Variants in CARD14 observed in about 807,000 individuals in gnomAD.
The protein encoded by CARD14 is caspase recruitment domain family member 14.
In CARD14, 107 loss-of-function variants were observed where a neutral mutation model predicts 111.5. That is an observed-to-expected ratio of 0.96 (90% CI 0.82 to 1.13). The LOEUF (loss-of-function observed/expected upper bound fraction) is 1.13, where lower values mean the gene tolerates loss of function less well. Ranked by LOEUF, CARD14 falls within the 50% of genes most tolerant of loss-of-function variation. The pLI is 0.00. For synonymous variants in CARD14, 617 were observed against 579.6 expected (o/e 1.06, Z -0.93); for missense variants, 1,322 against 1,362.3 (o/e 0.97, Z 0.47).
intron 7 of CARD14, chr17:80,187,905 C>T: frequency 1.0e-6 from 1 of 985,758 alleles, no homozygotes; most frequent in South Asian, 4.7e-5. Context: ...TCTGAACAGC[C>T]CCGGTCCCGC....
chr17:80,197,543 A>AAAG (rs1555614392), intron 14 of CARD14: 14,168 of 143,410 alleles, frequency 0.099, 754 homozygotes, highest in South Asian at 0.16. Context: ...AAAAAAAAAA[A>AAAG]AAAGAAAGAA....
chr17:80,186,696 G>A (rs1164046320), intron 7 of CARD14, among the ~76,000 whole-genome samples: 2 of 152,148 alleles, frequency 1.3e-5, no homozygotes, highest in Admixed American at 6.5e-5. Context: ...TTATAGGCGC[G>A]CACCACCACA....
chr17:80,192,883 G>T (rs541135892), intron 12 of CARD14, among the ~76,000 whole-genome samples: 1 of 152,306 alleles, frequency 6.6e-6, no homozygotes, highest in African/African-American at 2.4e-5. Context: ...CACCCAAGTA[G>T]CTGCATTACA....
intron 20 of CARD14, 98 bp downstream of exon 20, chr17:80,204,439 A>G: frequency 8.4e-7 from 1 of 1,188,246 alleles, no homozygotes; most frequent in South Asian, 1.6e-5. Flanking sequence ...GGGGGATGCC[A>G]CTCATTTAGG....
At chr17:80,171,215 C>A (rs2039896261) in intron 1 of CARD14, among the ~76,000 whole-genome samples, 1 of 98,954 alleles carries the variant, frequency 1.0e-5, no homozygotes, top group Non-Finnish European at 2.2e-5. Flanking sequence ...CCCTTCCTTC[C>A]TTCCTTCCTT....
Position 80,184,203 on chromosome 17 carries a change from C to G in CARD14, c.640C>G (p.Leu214Val), listed in dbSNP as rs1483595630. Residue 214 changes from leucine (L) to valine (V), a missense_variant, in exon 7 of 24, where the codon CTG (leucine) becomes GTG (valine). By Grantham distance (32) the Leu-to-Val change is conservative (BLOSUM62 1). Coordinates refer to ENST00000648509, the MANE Select transcript of CARD14 (RefSeq NM_001366385.1). ...TAGCAATGCGCTGCAGGAGAAGGAGCTGGCCGCCTCACGCTGCCGCAGCCT... is the reference window on the plus strand; with the variant it reads ...TAGCAATGCGCTGCAGGAGAAGGAGGTGGCCGCCTCACGCTGCCGCAGCCT... ...HYSNALQEKE[L>V]AASRCRSLQE... 4 of 1,548,424 alleles carry G rather than the reference C, an allele frequency of 2.6e-6. No individual in the cohort carries two copies. The highest frequency in any genetic ancestry group is 8.7e-7 in the Non-Finnish European group (1 of 1,145,046).
At chr17:80,194,187 C>A (rs945078263) in intron 12 of CARD14, among the ~76,000 whole-genome samples, 2 of 152,124 alleles carry the variant, frequency 1.3e-5, no homozygotes, top group African/African-American at 4.8e-5. Flanking sequence ...CTGTCCATGC[C>A]ACTTCCTCCA....
intron 1 of CARD14, among the ~76,000 whole-genome samples, chr17:80,171,490 T>TTTTTG (rs952972175): frequency 2.9e-4 from 44 of 151,752 alleles, no homozygotes; most frequent in South Asian, 1.0e-3. Flanking sequence ...GCCCTAAGGT[T>TTTTTG]TTTTGTTTTG....
chr17:80,177,681 A>G (rs1285997014), intron 2 of CARD14, among the ~76,000 whole-genome samples: 2 of 152,164 alleles, frequency 1.3e-5, no homozygotes, highest in East Asian at 3.9e-4. Flanking sequence ...GGAGACGAGC[A>G]AGACTCTGTC....
At chr17:80,183,866 A>AT (rs2040252043) in intron 6 of CARD14, 47 bp from the exon 7 acceptor site, 2 of 1,421,444 alleles carry the variant, frequency 1.4e-6, no homozygotes, top group African/African-American at 2.9e-5. Flanking sequence ...CTGCCCACCT[A>AT]TTACCTCCCT....
chr17:80,200,485 C>G (rs1056222111), intron 16 of CARD14, among the ~76,000 whole-genome samples: 9 of 152,036 alleles, frequency 5.9e-5, no homozygotes, highest in Non-Finnish European at 1.2e-4. Context: ...GATCCACCCA[C>G]CTCAGCCTCC....
rs1416351989 is a variant in CARD14 at position 80,195,098 on chromosome 17, C to T, written c.1357-93C>T. On this transcript the variant is annotated intron_variant, in intron 12 of 23. Coordinates refer to ENST00000648509, the MANE Select transcript of CARD14 (RefSeq NM_001366385.1). The surrounding 1 kb of genome is among the most constrained non-coding windows in gnomAD (Gnocchi z 4.7). ...TCCTGCCTCCTCTCCAGTCAGTTCT[C>T]ACTGTGGCTCTCTCTACACCGTGGG... 4 of 1,473,056 alleles carry T rather than the reference C, an allele frequency of 2.7e-6. No homozygotes were observed. Among genetic ancestry groups the T allele is most frequent in the Non-Finnish European group, 3.6e-6 (4 of 1,098,854 alleles). The allele number at this position is 1,473,056 out of a possible 1,614,324, so 91.2% of individuals were successfully genotyped here.
At chr17:80,194,150 AAC>A (rs2040626581) in intron 12 of CARD14, among the ~76,000 whole-genome samples, 2 of 151,456 alleles carry the variant, frequency 1.3e-5, no homozygotes, top group African/African-American at 4.9e-5. Flanking sequence ...CCCTGCCCCC[AAC>A]ACACACACAC....
chr17:80,205,502 A>G (rs1487645650), intron 21 of CARD14, 29 bp from the exon 22 acceptor site: 2 of 1,574,116 alleles, frequency 1.3e-6, no homozygotes, highest in Admixed American at 1.8e-5. Flanking sequence ...CAGCTGGTCT[A>G]TGATGGCCCC....
chr17:80,171,174 C>CCTCCCTCT (rs2039890962), intron 1 of CARD14, among the ~76,000 whole-genome samples: 1 of 45,438 alleles, frequency 2.2e-5, no homozygotes, highest in Non-Finnish European at 4.0e-5. Context: ...CCCTCCCCTT[C>CCTCCCTCT]CTCCCTCCCT....
rs2040387130 is a variant in CARD14 at position 80,187,657 on chromosome 17, G to A, written c.676-720G>A. ...AAAGGTCCTTCTTGGCCACAGCCCA[G>A]GGGTGAGCACCGGCACCCACCCCGA... is the stretch of plus-strand genomic sequence containing the variant. On this transcript the variant is annotated intron_variant, in intron 7 of 23. Coordinates refer to ENST00000648509, the MANE Select transcript of CARD14 (RefSeq NM_001366385.1). 6.3e-6 allele frequency: 4 copies of A among 636,822 alleles called. No homozygotes were observed. In the South Asian group the frequency reaches 2.1e-4, roughly 33 times the overall value. The allele number at this position is 636,822 out of a possible 1,614,324, so 39.4% of individuals were successfully genotyped here.
rs369982015 is a variant in CARD14 at position 80,207,865 on chromosome 17, A to C, written c.2808-273A>C. On this transcript the variant is annotated intron_variant, in intron 23 of 23. Coordinates refer to ENST00000648509, the MANE Select transcript of CARD14 (RefSeq NM_001366385.1). Reference sequence around the variant, plus strand: ...AATCTAATCCTTGTCGGCTAAGGACAAAAAAAAAAAAAGTAAAAAAATTAC... The same window carrying C: ...AATCTAATCCTTGTCGGCTAAGGACCAAAAAAAAAAAAGTAAAAAAATTAC... Among the ~76,000 whole-genome samples the C allele has an allele frequency of 6.2e-3, 894 of 143,556 alleles. 5 individuals carry two copies. Among genetic ancestry groups the C allele is most frequent in the African/African-American group, 0.022 (843 of 39,160 alleles). 94.2% of individuals were successfully genotyped at this position (143,556 alleles called of 152,430 possible). A position where few individuals can be genotyped will look rare whatever the true frequency, so the allele number is the denominator to read the frequency against.
chr17:80,205,916 G>C (rs2041275231), intron 22 of CARD14: 3 of 358,730 alleles, frequency 8.4e-6, no homozygotes, highest in East Asian at 9.9e-5. Context: ...GTTCGAGAAT[G>C]AATAAATCCG....
At chr17:80,187,841 C>G (rs1265875530) in intron 7 of CARD14, 2 of 985,370 alleles carry the variant, frequency 2.0e-6, no homozygotes, top group African/African-American at 3.5e-5. Context: ...GGGATAGTCC[C>G]TGGAAGGCCA....
Sources: gnomAD v4.1 joint callset for allele counts (sites outside exome capture counted in the v4.1 genomes callset) on GRCh38, gnomAD v4.1.1 for gene constraint, Gnocchi (gnomAD v3.1) non-coding constraint, MANE v1.5 for transcripts, NCBI Gene and HGNC (gene_info 2026-07-23, HGNC 2026-07-21) for gene names.